The following RASEF variants were observed in gnomAD, a reference collection of about 807,000 sequenced individuals.
RASEF encodes the protein RAS and EF-hand domain containing, also known as ras and EF-hand domain-containing protein.
Under a neutral mutation model 90.1 loss-of-function variants are expected in RASEF, and 68 were observed. The observed-to-expected ratio is 0.75, with a 90% confidence interval of 0.62 to 0.92. The LOEUF is 0.92. Among genes scored for constraint, RASEF ranks in the 40% least tolerant of loss-of-function variants. The probability of loss-of-function intolerance (pLI) is 0.00; values close to 1 mark genes in which losing one functional copy is unlikely to be tolerated. For missense variants in RASEF, 949 were observed against 937.2 expected (o/e 1.01, Z -0.16); for synonymous variants, 331 against 345.2 (o/e 0.96, Z 0.46).
At position 82,981,898 on chromosome 9, in the gene RASEF, G is replaced by C. The variant is rs1465316609; in HGVS notation, c.*779C>G. 2 of 152,122 alleles carry C rather than the reference G, an allele frequency of 1.3e-5. No homozygotes were observed. Among genetic ancestry groups the C allele is most frequent in the East Asian group, 1.9e-4 (1 of 5,200 alleles). The allele number at this position is 152,122 out of a possible 1,614,324, so 9.4% of individuals were successfully genotyped here. A position where few individuals can be genotyped will look rare whatever the true frequency, so the allele number is the denominator to read the frequency against. ...TTTTAACACCAAATTCAAGCAGTGA[G>C]CTTTGTAACTATTCTGAGATTATGA... On this transcript the variant is annotated 3_prime_UTR_variant, in exon 17 of 17. Transcript: ENST00000376447.
At chr9:83,056,107 T>C (rs939021782) in intron 1 of RASEF, among the ~76,000 whole-genome samples, 1 of 152,218 alleles carries the variant, frequency 6.6e-6, no homozygotes, top group Non-Finnish European at 1.5e-5. Context: ...TATCCTGTTT[T>C]TATAAGACAT....
chr9:83,103,601 A>G, the RASEF span, among the ~76,000 whole-genome samples: 2 of 152,300 alleles, frequency 1.3e-5, no homozygotes, highest in South Asian at 2.1e-4. Context: ...GAATGTTTGC[A>G]TAATAAAAAT....
intron 1 of RASEF, among the ~76,000 whole-genome samples, chr9:83,061,654 C>A (rs570256892): frequency 4.6e-5 from 7 of 152,326 alleles, no homozygotes; most frequent in African/African-American, 1.4e-4. Context: ...CACCTGCAGG[C>A]ATCCCCTTAC....
chr9:83,086,703 G>T, the RASEF span, among the ~76,000 whole-genome samples: 170 of 152,260 alleles, frequency 1.1e-3, 1 homozygote, highest in Non-Finnish European at 2.2e-3. Flanking sequence ...CTGGCTGTTG[G>T]CTGGAGAACT....
At chr9:83,049,420 T>A (rs1055928978) in intron 1 of RASEF, 2 of 762,284 alleles carry the variant, frequency 2.6e-6, no homozygotes, top group Non-Finnish European at 3.2e-6. Context: ...AAAAGCCCAT[T>A]CTCCCATCAC....
chr9:83,215,206 A>G, the RASEF span, among the ~76,000 whole-genome samples: 2 of 152,050 alleles, frequency 1.3e-5, no homozygotes, highest in Non-Finnish European at 2.9e-5. Context: ...CATCCTGATG[A>G]GAGCCACCTC....
At chr9:83,059,248 AG>A (rs547562201) in intron 1 of RASEF, among the ~76,000 whole-genome samples, 106 of 149,204 alleles carry the variant, frequency 7.1e-4, no homozygotes, top group Admixed American at 2.2e-3. Flanking sequence ...CCCTGCTCTC[AG>A]CCATCCATCA....
At chr9:83,146,971 C>T in the RASEF span, among the ~76,000 whole-genome samples, 2 of 151,012 alleles carry the variant, frequency 1.3e-5, no homozygotes, top group Non-Finnish European at 2.9e-5. Context: ...GAGCCACAAA[C>T]ATGTAACATA....
chr9:83,207,343 C>G, the RASEF span, among the ~76,000 whole-genome samples: 1 of 152,280 alleles, frequency 6.6e-6, no homozygotes, highest in Middle Eastern at 3.4e-3. Context: ...TTCCTTGGGT[C>G]TCCGCTCAGG....
intron 5 of RASEF, among the ~76,000 whole-genome samples, chr9:83,011,283 G>A (rs1353170853): frequency 2.6e-5 from 4 of 152,034 alleles, no homozygotes; most frequent in South Asian, 2.1e-4. Context: ...TGCCAGGTGC[G>A]GTGGCTCACG....
chr9:83,046,168 C>T (rs1463040715), intron 1 of RASEF, among the ~76,000 whole-genome samples: 1 of 152,048 alleles, frequency 6.6e-6, no homozygotes, highest in South Asian at 2.1e-4. Flanking sequence ...CTCTGTTATA[C>T]AGATTATTTC....
At chr9:83,071,243 C>T in the RASEF span, among the ~76,000 whole-genome samples, 64 of 152,212 alleles carry the variant, frequency 4.2e-4, no homozygotes, top group East Asian at 9.1e-3. Context: ...TTTACCATTG[C>T]GATGGTGACT....
chr9:82,996,998 T>G lies in RASEF; in HGVS notation c.1920+14A>C, dbSNP rs766585123. The G allele has an allele frequency of 7.0e-7, 1 of 1,426,456 alleles. No homozygotes were observed. Among genetic ancestry groups the G allele is most frequent in the South Asian group, 1.1e-5 (1 of 87,016 alleles). 88.4% of individuals were successfully genotyped at this position (1,426,456 alleles called of 1,614,324 possible). On this transcript the variant is annotated intron_variant, in intron 14 of 16. Transcript: ENST00000376447. Reference sequence around the variant, plus strand: ...CCTCGTGTAATTTTCTGTTTCTCCATTATGATTTCTTACCTCAATCATATC... The same window carrying G: ...CCTCGTGTAATTTTCTGTTTCTCCAGTATGATTTCTTACCTCAATCATATC...
At chr9:83,068,262 A>G in the RASEF span, among the ~76,000 whole-genome samples, 10 of 152,404 alleles carry the variant, frequency 6.6e-5, no homozygotes, top group Admixed American at 4.6e-4. Flanking sequence ...CAGAAAAAGC[A>G]AACTGTGGAA....
chr9:83,090,198 A>G, the RASEF span, among the ~76,000 whole-genome samples: 1 of 152,102 alleles, frequency 6.6e-6, no homozygotes, highest in Admixed American at 6.5e-5. Context: ...TTTTTTAAAT[A>G]ATTTTCTTTA....
intron 3 of RASEF, among the ~76,000 whole-genome samples, chr9:83,020,111 TA>T (rs531893688): frequency 1.9e-4 from 28 of 151,122 alleles, no homozygotes; most frequent in South Asian, 4.2e-4. Flanking sequence ...CTGTTACAGT[TA>T]AAAAAAAATA....
At chr9:83,108,777 C>T in the RASEF span, among the ~76,000 whole-genome samples, 1 of 152,150 alleles carries the variant, frequency 6.6e-6, no homozygotes, top group African/African-American at 2.4e-5. Flanking sequence ...TTCTATTTCA[C>T]ACCCTTGCTT....
intron 1 of RASEF, chr9:83,048,456 A>G (rs1733456599): frequency 1.0e-6 from 1 of 985,198 alleles, no homozygotes; most frequent in African/African-American, 1.7e-5. Flanking sequence ...AAACCAGCCA[A>G]GCAACTTGGA....
the RASEF span, among the ~76,000 whole-genome samples, chr9:83,162,632 C>A: frequency 2.0e-5 from 3 of 152,276 alleles, no homozygotes; most frequent in African/African-American, 7.2e-5. Context: ...GACTGAAAAA[C>A]CAACAATTCT....
Sources: allele counts gnomAD v4.1 joint callset (sites outside exome capture counted in the v4.1 genomes callset), GRCh38; gene constraint gnomAD v4.1.1; transcripts MANE v1.5; gene names NCBI Gene and HGNC (gene_info 2026-07-23, HGNC 2026-07-21).